Variants in MLLT6 observed in about 807,000 individuals in gnomAD.
MLLT6 encodes MLLT6, PHD finger containing.
A neutral mutation model predicts 103.0 loss-of-function variants in MLLT6; 22 were observed. The ratio of observed to expected loss-of-function variants is 0.21; its 90% CI spans 0.15 to 0.31. The LOEUF is 0.31. Among genes scored for constraint, MLLT6 ranks in the 10% least tolerant of loss-of-function variants. The pLI is 1.00. For synonymous variants in MLLT6, 606 were observed against 623.5 expected, an observed-to-expected ratio of 0.97 and a Z score of 0.42; for missense variants, 1,199 against 1,441.7, an observed-to-expected ratio of 0.83 and a Z score of 2.73.
chr17:38,720,298 A>T, intron 14 of MLLT6, 74 bp from the exon 15 acceptor site: 1 of 1,023,654 alleles, frequency 9.8e-7, no homozygotes, highest in Non-Finnish European at 1.4e-6. Flanking sequence ...GCTCCCCTCC[A>T]GGCCCCGCCC....
chr17:38,724,644 A>G lies in MLLT6; in HGVS notation c.2908A>G (p.Met970Val), dbSNP rs1490029381. ...TPEHQTVVYQMIQQIQQKREL... is the reference protein window; with the variant it reads ...TPEHQTVVYQVIQQIQQKREL... ...GGAACACCAGACTGTTGTCTACCAG[A>G]TGATCCAGCAGATCCAGCAGAAACG... Residue 970 changes from methionine to valine, a missense_variant, in exon 19 of 20, where the codon ATG becomes GTG. Met to Val is a conservative substitution (Grantham distance 21). Around this residue, in one of 7 missense-constraint regions of MLLT6, gnomAD observed 1,034 missense variants for 1,091.5 expected, o/e 0.95. Coordinates refer to ENST00000621332, the MANE Select transcript of MLLT6 (RefSeq NM_005937.4). This position sits in a 1 kb window ranked among gnomAD's most constrained non-coding sequence, Gnocchi z 5.4. The G allele has an allele frequency of 6.2e-7, 1 of 1,606,138 alleles. No homozygotes were observed. Among genetic ancestry groups the G allele is most frequent in the South Asian group, 1.1e-5 (1 of 90,496 alleles).
chr17:38,724,925 C>G lies in MLLT6; in HGVS notation c.3189C>G (p.Pro1063=), dbSNP rs757437695. The G allele has an allele frequency of 6.4e-7, 1 of 1,551,342 alleles. No individual in the cohort carries two copies. The highest frequency in any genetic ancestry group is 8.7e-7 in the Non-Finnish European group (1 of 1,146,968). ...GPPVLTAQTN[P]FLSLSGAEGS... ...CAGTCCTCACTGCCCAGACCAACCC[C>G]TTCCTCAGCCTGTCGGGAGCAGAGG... Residue 1063 remains proline, a synonymous_variant, in exon 19 of 20, where the codon CCC becomes CCG. Coordinates refer to ENST00000621332, the MANE Select transcript of MLLT6 (RefSeq NM_005937.4). The surrounding 1 kb of genome is among the most constrained non-coding windows in gnomAD (Gnocchi z 5.4).
chr17:38,717,725 C>A, intron 11 of MLLT6, 112 bp downstream of exon 11: 2 of 1,406,812 alleles, frequency 1.4e-6, no homozygotes, highest in Non-Finnish European at 2.0e-6. Context: ...GCCATCAGAC[C>A]ACCCTCCGGG....
chr17:38,721,628 C>T (rs1046932317), intron 16 of MLLT6, among the ~76,000 whole-genome samples: 1 of 152,220 alleles, frequency 6.6e-6, no homozygotes, highest in South Asian at 2.1e-4. Flanking sequence ...CAGATGGTCA[C>T]CACCATCATC....
chr17:38,722,875 G>A (rs1598002601), intron 18 of MLLT6, 107 bp downstream of exon 18: 1 of 854,880 alleles, frequency 1.2e-6, no homozygotes, highest in African/African-American at 1.7e-5. Context: ...GCAGAGTGAG[G>A]GGAAGCTCTA....
Position 38,722,557 on chromosome 17 carries a change from T to G in MLLT6, c.2793-121T>G, listed in dbSNP as rs1308828404. On this transcript the variant is annotated intron_variant, in intron 17 of 19. Coordinates refer to ENST00000621332, the MANE Select transcript of MLLT6 (RefSeq NM_005937.4). Reference sequence around the variant, plus strand: ...ACGGTGCTCTAAGATCGCACATCCCTGCCTTGCTTCCCCTGGGTCTGAGGG... The same window carrying G: ...ACGGTGCTCTAAGATCGCACATCCCGGCCTTGCTTCCCCTGGGTCTGAGGG... 4 of 679,320 alleles carry G rather than the reference T, an allele frequency of 5.9e-6. No homozygotes were observed. The East Asian group carries it at 1.1e-4, about 18-fold the overall frequency. The allele number at this position is 679,320 out of a possible 1,614,324, so 42.1% of individuals were successfully genotyped here. A position where few individuals can be genotyped will look rare whatever the true frequency, so the allele number is the denominator to read the frequency against.
At position 38,707,473 on chromosome 17, in the gene MLLT6, C is replaced by G. The variant is rs371308703; in HGVS notation, c.190-13C>G. Reference sequence around the variant, plus strand: ...GCAGATCCCCCAACCCCTGTGCACTCTTGCATTGGCAGAGGTGTGAGCTGT... The same window carrying G: ...GCAGATCCCCCAACCCCTGTGCACTGTTGCATTGGCAGAGGTGTGAGCTGT... On this transcript the variant is annotated splice_polypyrimidine_tract_variant and intron_variant, in intron 2 of 19. Transcript: ENST00000621332. 11 of 1,614,074 alleles carry G rather than the reference C, an allele frequency of 6.8e-6. No individual in the cohort carries two copies. In the South Asian group the frequency reaches 1.2e-4, roughly 18 times the overall value.
In MLLT6 at chr17:38,728,435, G is replaced by A. The variant is rs1410719253; in HGVS notation, c.*2837G>A. The A allele has an allele frequency of 5.1e-5, 12 of 233,452 alleles. No homozygotes were observed. The highest frequency in any genetic ancestry group is 1.3e-3 in the Middle Eastern group (1 of 786). The allele number at this position is 233,452 out of a possible 1,614,324, so 14.5% of individuals were successfully genotyped here. On this transcript the variant is annotated 3_prime_UTR_variant, in exon 20 of 20. Coordinates refer to ENST00000621332, the MANE Select transcript of MLLT6 (RefSeq NM_005937.4). ...CAGAGCGGAAGCAGAGTTTGGAAACGCATGAGAGCAGAGCTTCGTGTGTTC... is the reference window on the plus strand; with the variant it reads ...CAGAGCGGAAGCAGAGTTTGGAAACACATGAGAGCAGAGCTTCGTGTGTTC...
Position 38,707,042 on chromosome 17 carries a change from C to A in MLLT6, c.189+13C>A. 6.2e-7 allele frequency: 1 copy of A among 1,606,612 alleles called. No homozygotes were observed. The highest frequency in any genetic ancestry group is 8.5e-7 in the Non-Finnish European group (1 of 1,174,158). ...AGCAGCCAGGGTGGTGAGTTCCAGA[C>A]TGCCCCTCTCCACTCCCCTGCCCCT... On this transcript the variant is annotated intron_variant, in intron 2 of 19. Coordinates refer to ENST00000621332, the MANE Select transcript of MLLT6 (RefSeq NM_005937.4).
At position 38,719,560 on chromosome 17, in the gene MLLT6, C is replaced by T. The variant is rs746359492; in HGVS notation, c.1986C>T (p.Ser662=). 6.8e-6 allele frequency: 11 copies of T among 1,611,094 alleles called. No homozygotes were observed. The East Asian group carries it at 8.9e-5, about 13-fold the overall frequency. The change falls in exon 13 of 20, where the codon TCC becomes TCT. Residue 662 remains serine (S), a synonymous_variant. Coordinates refer to ENST00000621332, the MANE Select transcript of MLLT6 (RefSeq NM_005937.4). ...GCAGCTTCCGGTGTCGGGGGACCTC[C>T]CCTCAGGAGAGTCTGTCTTCCATGT... ...EDCSFRCRGT[S]PQESLSSMSP...
Position 38,722,080 on chromosome 17 carries a change from A to C in MLLT6, c.2645A>C (p.Glu882Ala). ...AAGLGAMPMAEGLLGGLAGSG... is the reference protein window; with the variant it reads ...AAGLGAMPMAAGLLGGLAGSG... ...GGGCTGGGGGCCATGCCCATGGCTG[A>C]GGGGCTGTTGGGGGGGCTGGCAGGC... Residue 882 changes from glutamate (E) to alanine (A), a missense_variant, in exon 17 of 20, where the codon GAG (glutamate) becomes GCG (alanine). Transcript: ENST00000621332. 2 of 1,373,604 alleles carry C rather than the reference A, an allele frequency of 1.5e-6. No individual in the cohort carries two copies. The highest frequency in any genetic ancestry group is 1.9e-6 in the Non-Finnish European group (2 of 1,067,856). 85.1% of individuals were successfully genotyped at this position (1,373,604 alleles called of 1,614,324 possible).
At chr17:38,712,185 G>A in intron 7 of MLLT6, 171 bp downstream of exon 7, 2 of 918,744 alleles carry the variant, frequency 2.2e-6, no homozygotes, top group Non-Finnish European at 2.6e-6. Context: ...GGGGGGTGAG[G>A]CGGGAGCTTG....
At chr17:38,715,970 C>T (rs890497193) in intron 9 of MLLT6, 142 bp downstream of exon 9, 4 of 779,376 alleles carry the variant, frequency 5.1e-6, no homozygotes, top group South Asian at 1.8e-5. Context: ...ATCCCCTCCT[C>T]TCCAAACCTG....
In MLLT6 at chr17:38,722,128, GGCT is replaced by G; in HGVS notation, c.2694_2696del (p.Leu900del). ...GGCAGTGGGGGCCTGCCCCTCAATG[GGCT>G]CCTTGGGGGGTTGAATGGGGCCGCT... On this transcript the variant is annotated inframe_deletion, in exon 17 of 20. Coordinates refer to ENST00000621332, the MANE Select transcript of MLLT6 (RefSeq NM_005937.4). 1.5e-6 allele frequency: 2 copies of G among 1,376,720 alleles called. No individual in the cohort carries two copies. The highest frequency in any genetic ancestry group is 1.9e-6 in the Non-Finnish European group (2 of 1,070,866). 85.3% of individuals were successfully genotyped at this position (1,376,720 alleles called of 1,614,324 possible).
At chr17:38,712,956 A>C (rs1194750396) in intron 8 of MLLT6, 167 bp downstream of exon 8, 2 of 763,200 alleles carry the variant, frequency 2.6e-6, no homozygotes, top group East Asian at 4.9e-5. Flanking sequence ...CTTCCAGCCT[A>C]GAAGGGGCCA....
rs1906146994 is a variant in MLLT6 at position 38,728,366 on chromosome 17, AT to A, written c.*2771del. On this transcript the variant is annotated 3_prime_UTR_variant, in exon 20 of 20. Coordinates refer to ENST00000621332, the MANE Select transcript of MLLT6 (RefSeq NM_005937.4). ...TGGTGGAGGGTGGGAAGGGACCCAG[AT>A]TTGTAGATCTCTTTGTCTGGGGGAG... is the stretch of plus-strand genomic sequence containing the variant. 1 of 233,162 alleles carries A rather than the reference AT, an allele frequency of 4.3e-6. No individual in the cohort carries two copies. The highest frequency in any genetic ancestry group is 8.5e-6 in the Non-Finnish European group (1 of 118,078). 14.4% of individuals were successfully genotyped at this position (233,162 alleles called of 1,614,324 possible).
At position 38,726,913 on chromosome 17, in the gene MLLT6, C is replaced by T. The variant is rs1906064250; in HGVS notation, c.*1315C>T. On this transcript the variant is annotated 3_prime_UTR_variant, in exon 20 of 20. Coordinates refer to ENST00000621332, the MANE Select transcript of MLLT6 (RefSeq NM_005937.4). Reference sequence around the variant, plus strand: ...CCCAGGGTAGAGTGGGCAATTCTCACCTTCAAAGAGTCCCCGCCTGCCCAG... The same window carrying T: ...CCCAGGGTAGAGTGGGCAATTCTCATCTTCAAAGAGTCCCCGCCTGCCCAG... The T allele has an allele frequency of 8.6e-6, 2 of 233,704 alleles. No individual in the cohort carries two copies. The allele number at this position is 233,704 out of a possible 1,614,324, so 14.5% of individuals were successfully genotyped here.
chr17:38,719,981 G>C, intron 14 of MLLT6, 86 bp downstream of exon 14: 1 of 1,463,306 alleles, frequency 6.8e-7, no homozygotes. Context: ...CTTCTTTAAG[G>C]TTCCGCCCTT....
intron 12 of MLLT6, 48 bp downstream of exon 12, chr17:38,718,001 C>A: frequency 1.5e-6 from 2 of 1,300,614 alleles, no homozygotes; most frequent in Non-Finnish European, 2.2e-6. Flanking sequence ...AAAGGTCGGA[C>A]ACCCATCACC....
Sources: allele counts gnomAD v4.1 joint callset (sites outside exome capture counted in the v4.1 genomes callset), GRCh38; gene constraint gnomAD v4.1.1; regional missense constraint gnomAD v4.1.1; non-coding constraint Gnocchi (gnomAD v3.1); transcripts MANE v1.5; gene names NCBI Gene and HGNC (gene_info 2026-07-23, HGNC 2026-07-21).